Variants in MARF1 observed in about 807,000 individuals in gnomAD.
MARF1 encodes the protein limkain-b1.
A neutral mutation model predicts 168.2 loss-of-function variants in MARF1; 24 were observed. The ratio of observed to expected loss-of-function variants is 0.14; its 90% CI spans 0.10 to 0.20. MARF1 has a LOEUF of 0.20. MARF1 is among the 10% of genes least tolerant of loss of function. The pLI is 1.00. For missense variants in MARF1, 1,744 were observed against 2,143.6 expected (o/e 0.81, Z 3.68); for synonymous variants, 868 against 822.4 (o/e 1.06, Z -0.95).
chr16:15,611,546 T>A (rs1161423766), intron 18 of MARF1, 46 bp downstream of exon 18: 4 of 1,563,450 alleles, frequency 2.6e-6, no homozygotes, highest in Non-Finnish European at 3.5e-6. Context: ...GAAGATAAAA[T>A]GTCCTAAAAT....
At chr16:15,626,431 G>A (rs1009231687) in intron 7 of MARF1, among the ~76,000 whole-genome samples, 8 of 152,212 alleles carry the variant, frequency 5.3e-5, no homozygotes, top group Admixed American at 5.2e-4. Context: ...CAGGTCTGCT[G>A]AATAATAACT....
At position 15,620,506 on chromosome 16, in the gene MARF1, C is replaced by T; in HGVS notation, c.2665G>A (p.Asp889Asn). The T allele has an allele frequency of 1.2e-6, 2 of 1,612,982 alleles. No homozygotes were observed. The highest frequency in any genetic ancestry group is 1.7e-6 in the Non-Finnish European group (2 of 1,179,330). ...LSAETMSVLQ[D>N]APACCLPLFK... The stretch of plus-strand genomic sequence containing the variant: ...AGAGGCAGGCAACAGGCAGGGGCAT[C>T]CTGAAGAACAGACATTGTTTCTGCA... Residue 889 changes from aspartate to asparagine, a missense_variant, in exon 13 of 27, where the codon GAT becomes AAT. Coordinates refer to ENST00000396368, the MANE Select transcript of MARF1 (RefSeq NM_014647.4).
chr16:15,639,185 A>G lies in MARF1; in HGVS notation c.49T>C (p.Trp17Arg). Residue 17 changes from tryptophan (W) to arginine (R), a missense_variant, in exon 2 of 27, where the codon TGG becomes CGG. By Grantham distance (101) the Trp-to-Arg change is moderately radical. Coordinates refer to ENST00000396368, the MANE Select transcript of MARF1 (RefSeq NM_014647.4). ...TTAGCATCATTATCTTGTTGAAGCC[A>G]TCCACGTGTTCTACTGCAGGAGTTC... ...TENSCSRTRGWLQQDNDAKPW... is the reference protein window; with the variant it reads ...TENSCSRTRGRLQQDNDAKPW... 14 of 1,614,206 alleles carry G rather than the reference A, an allele frequency of 8.7e-6. No individual in the cohort carries two copies. Among genetic ancestry groups the G allele is most frequent in the Non-Finnish European group, 1.2e-5 (14 of 1,180,022 alleles).
intron 2 of MARF1, 125 bp downstream of exon 2, chr16:15,638,965 A>C: frequency 1.1e-6 from 1 of 901,336 alleles, no homozygotes; most frequent in Non-Finnish European, 1.6e-6. Context: ...GAGGCAATAC[A>C]GGCAAGATCT....
intron 7 of MARF1, among the ~76,000 whole-genome samples, chr16:15,629,419 G>C (rs555786473): frequency 6.6e-6 from 1 of 152,116 alleles, no homozygotes. Context: ...GCAAGTGCCG[G>C]AATCAGGATA....
Position 15,625,439 on chromosome 16 carries a change from G to A in MARF1, c.1886C>T (p.Thr629Met), listed in dbSNP as rs369224578. The A allele has an allele frequency of 1.5e-5, 24 of 1,613,696 alleles. No homozygotes were observed. Among genetic ancestry groups the A allele is most frequent in the Middle Eastern group, 1.6e-4 (1 of 6,082 alleles). ...ATTTGCCTGTGACCCTTTTCCAGGC[G>A]TGGCTTTGGCACTGGAAGATTGTTC... is the stretch of plus-strand genomic sequence containing the variant. Reference protein sequence around the residue: ...ASEQSSSAKATPGKGSQANSG... With the variant: ...ASEQSSSAKAMPGKGSQANSG... The change falls in exon 8 of 27, where the codon ACG becomes ATG. Residue 629 changes from threonine to methionine, a missense_variant. By Grantham distance (81) the Thr-to-Met change is moderately conservative. Coordinates refer to ENST00000396368, the MANE Select transcript of MARF1 (RefSeq NM_014647.4).
intron 11 of MARF1, 61 bp from the exon 12 acceptor site, chr16:15,621,972 C>G: frequency 6.6e-7 from 1 of 1,504,862 alleles, no homozygotes; most frequent in South Asian, 1.2e-5. Flanking sequence ...CGTCTTAAAA[C>G]TGAAGGTGAA....
chr16:15,626,380 A>G lies in MARF1; in HGVS notation c.1525-580T>C, dbSNP rs1221790543. ...AGCTGAATTTTGTAATATGTAAATC[A>G]TATCTCAACGAAGTTGTTTTTTAAA... On this transcript the variant is annotated intron_variant, in intron 7 of 26. Coordinates refer to ENST00000396368, the MANE Select transcript of MARF1 (RefSeq NM_014647.4). 2.6e-5 allele frequency among the ~76,000 whole-genome samples: 4 copies of G among 152,216 alleles called. No homozygotes were observed. In the East Asian group the frequency reaches 7.7e-4, roughly 29 times the overall value.
chr16:15,624,692 C>G, intron 10 of MARF1, 77 bp downstream of exon 10: 3 of 1,397,820 alleles, frequency 2.1e-6, no homozygotes, highest in African/African-American at 1.4e-5. Context: ...TATCTGAATT[C>G]TTTTCAACAA....
At chr16:15,617,247 T>G in intron 14 of MARF1, 52 bp downstream of exon 14, 1 of 1,609,782 alleles carries the variant, frequency 6.2e-7, no homozygotes, top group South Asian at 1.1e-5. Context: ...TCCTAACATG[T>G]TCCACAATCT....
chr16:15,634,800 C>T lies in MARF1; in HGVS notation c.963G>A (p.Thr321=), dbSNP rs1453926693. 7 of 1,613,752 alleles carry T rather than the reference C, an allele frequency of 4.3e-6. No individual in the cohort carries two copies. Among genetic ancestry groups the T allele is most frequent in the African/African-American group, 4.0e-5 (3 of 74,938 alleles). Residue 321 remains threonine, a synonymous_variant, in exon 4 of 27, where the codon ACG becomes ACA. Coordinates refer to ENST00000396368, the MANE Select transcript of MARF1 (RefSeq NM_014647.4). ...TGCCTAGACTGGTCGCCAATAACAA[C>T]GTGGTCTCCTTCCCTGTTCCTTTGG... The part of the protein sequence containing the change: ...CGTKGTGKET[T]LLLATSLGKA...
intron 3 of MARF1, 136 bp from the exon 4 acceptor site, chr16:15,635,067 A>C: frequency 1.5e-6 from 1 of 669,236 alleles, no homozygotes. Flanking sequence ...AAGGACTTTC[A>C]AATAATCTTT....
At chr16:15,602,746 AAG>A (rs2032626771) in intron 22 of MARF1, 1 of 430,064 alleles carries the variant, frequency 2.3e-6, no homozygotes, top group African/African-American at 2.1e-5. Context: ...CAGCGGTCTG[AAG>A]AGACAGTGTG....
chr16:15,608,476 C>T lies in MARF1; in HGVS notation c.3997G>A (p.Val1333Met). ...GEEKILTLTEVERFKALAAQF... is the reference protein window; with the variant it reads ...GEEKILTLTEMERFKALAAQF... Reference sequence around the variant, plus strand: ...GCAGCTAGAGCTTTGAACCGCTCCACCTCTGTCAGAGTAAGGATCTTTTCT... The same window carrying T: ...GCAGCTAGAGCTTTGAACCGCTCCATCTCTGTCAGAGTAAGGATCTTTTCT... The change falls in exon 21 of 27, where the codon GTG (valine) becomes ATG (methionine). Residue 1333 changes from valine (V) to methionine (M), a missense_variant. Val to Met is a conservative substitution (Grantham distance 21). This residue lies in a region of MARF1 where 543 missense variants were observed against 742.1 expected (regional missense o/e 0.73). Coordinates refer to ENST00000396368, the MANE Select transcript of MARF1 (RefSeq NM_014647.4). The T allele has an allele frequency of 6.2e-7, 1 of 1,614,118 alleles. No homozygotes were observed.
At chr16:15,612,512 G>A in intron 17 of MARF1, 45 bp downstream of exon 17, 1 of 1,516,408 alleles carries the variant, frequency 6.6e-7, no homozygotes, top group Non-Finnish European at 9.2e-7. Flanking sequence ...AAGCCATGGA[G>A]GAACATTCCT....
At position 15,614,481 on chromosome 16, in the gene MARF1, C is replaced by CAAAAA. The variant is rs59862823; in HGVS notation, c.3253+1344_3253+1348dup. ...CTGGTGACAGAGGGTGACTCCGTCT[C>CAAAAA]AAAAAAAAAAAAAAAAAAAAAATCC... On this transcript the variant is annotated intron_variant, in intron 16 of 26. Transcript: ENST00000396368. 6.6e-3 allele frequency among the ~76,000 whole-genome samples: 315 copies of CAAAAA among 47,658 alleles called. 1 individual carries two copies. The highest frequency in any genetic ancestry group is 0.011 in the Non-Finnish European group (273 of 25,786). 31.3% of individuals were successfully genotyped at this position (47,658 alleles called of 152,430 possible).
chr16:15,636,816 G>A (rs1025224935), intron 2 of MARF1, among the ~76,000 whole-genome samples: 2 of 152,114 alleles, frequency 1.3e-5, no homozygotes, highest in African/African-American at 4.8e-5. Flanking sequence ...TCCCCCAAAG[G>A]AAAAGAGTAA....
chr16:15,600,455 C>T lies in MARF1; in HGVS notation c.4786G>A (p.Glu1596Lys). The T allele has an allele frequency of 6.2e-7, 1 of 1,614,174 alleles. No homozygotes were observed. The highest frequency in any genetic ancestry group is 1.3e-5 in the African/African-American group (1 of 75,038). The stretch of plus-strand genomic sequence containing the variant: ...CTGCCGTCAGCTCCAAGCTTGAGTT[C>T]CGAGGCTGTGTGCGATTCGGGCACC... Reference protein sequence around the residue: ...LEVPESHTASELKLGADGSGP... With the variant: ...LEVPESHTASKLKLGADGSGP... The change falls in exon 25 of 27, where the codon GAA becomes AAA. Residue 1596 changes from glutamate (E) to lysine (K), a missense_variant. Glu to Lys is a moderately conservative substitution (Grantham distance 56). Transcript: ENST00000396368.
At position 15,595,301 on chromosome 16, in the gene MARF1, A is replaced by G. The variant is rs907891273; in HGVS notation, c.*1392T>C. ...CTCTCTATAGCCCTTATTTTGTGGC[A>G]TTTTATCAAAATGCTATGAAATCAG... On this transcript the variant is annotated 3_prime_UTR_variant, in exon 27 of 27. Transcript: ENST00000396368. 3 of 152,576 alleles carry G rather than the reference A, an allele frequency of 2.0e-5. No homozygotes were observed. Among genetic ancestry groups the G allele is most frequent in the East Asian group, 1.9e-4 (1 of 5,198 alleles). 9.5% of individuals were successfully genotyped at this position (152,576 alleles called of 1,614,324 possible). A position where few individuals can be genotyped will look rare whatever the true frequency, so the allele number is the denominator to read the frequency against.
Sources: allele counts gnomAD v4.1 joint callset (sites outside exome capture counted in the v4.1 genomes callset), GRCh38; gene constraint gnomAD v4.1.1; regional missense constraint gnomAD v4.1.1; transcripts MANE v1.5; gene names NCBI Gene and HGNC (gene_info 2026-07-23, HGNC 2026-07-21).